The following LRP1B variants were observed in gnomAD, a reference collection of about 807,000 sequenced individuals.
The protein encoded by LRP1B is low-density lipoprotein receptor-related protein 1B.
LRP1B carries 217 observed loss-of-function variants against 556.6 expected under a neutral mutation model. The observed-to-expected ratio is 0.39, with a 90% CI of 0.35 to 0.44. The LOEUF (loss-of-function observed/expected upper bound fraction) is 0.44. Ranked by LOEUF, LRP1B falls within the 20% of genes least tolerant of loss-of-function variation. The pLI is 1.00. For synonymous variants in LRP1B, 2,047 were observed against 1,865.8 expected (o/e 1.10, Z -2.50); for missense variants, 5,053 against 5,620.8 (o/e 0.90, Z 3.23).
chr2:141,370,882 C>G (rs1689205187), intron 3 of LRP1B, among the ~76,000 whole-genome samples: 1 of 152,168 alleles, frequency 6.6e-6, no homozygotes, highest in African/African-American at 2.4e-5. Flanking sequence ...TTTTTCCCAG[C>G]ACCATTTATT....
chr2:141,477,817 T>C (rs72989056), intron 3 of LRP1B, among the ~76,000 whole-genome samples: 9,128 of 152,178 alleles, frequency 0.06, 425 homozygotes, highest in African/African-American at 0.11. Context: ...GAAATCCAAA[T>C]ATATTTATTA....
At chr2:141,782,513 C>CTTTT (rs1187506601) in intron 2 of LRP1B, among the ~76,000 whole-genome samples, 1 of 94,618 alleles carries the variant, frequency 1.1e-5, no homozygotes, top group Non-Finnish European at 2.0e-5. Context: ...GTTCTATTTT[C>CTTTT]CTTTTTTTTT....
chr2:141,109,698 A>G (rs1700700413), intron 7 of LRP1B, among the ~76,000 whole-genome samples: 1 of 151,914 alleles, frequency 6.6e-6, no homozygotes, highest in African/African-American at 2.4e-5. Flanking sequence ...GGAGGATAAG[A>G]TCAAAAGATC....
intron 7 of LRP1B, among the ~76,000 whole-genome samples, chr2:141,141,827 G>T (rs1333103796): frequency 6.6e-6 from 1 of 152,052 alleles, no homozygotes; most frequent in African/African-American, 2.4e-5. Flanking sequence ...GAAGAAAATG[G>T]CAATCTGTAT....
intron 3 of LRP1B, among the ~76,000 whole-genome samples, chr2:141,445,162 G>A (rs1003181860): frequency 2.6e-5 from 4 of 152,204 alleles, no homozygotes; most frequent in Admixed American, 6.5e-5. Flanking sequence ...TTGGGAGGGT[G>A]TATGTGTCCA....
Position 140,705,593 on chromosome 2 carries a change from AG to A in LRP1B, c.6024-3041del, listed in dbSNP as rs1489011194. Among the ~76,000 whole-genome samples the A allele has an allele frequency of 3.3e-5, 5 of 150,056 alleles. No homozygotes were observed. In the Admixed American group the frequency reaches 3.3e-4, roughly 10 times the overall value. On this transcript the variant is annotated intron_variant, in intron 37 of 90. Coordinates refer to ENST00000389484, the MANE Select transcript of LRP1B (RefSeq NM_018557.3). ...ACACACAGAAAACAAAATATGAAAA[AG>A]GTCTTAGCTCTGAGAAAGAAGTCAC...
At chr2:141,073,333 T>G (rs1231984350) in intron 7 of LRP1B, among the ~76,000 whole-genome samples, 1 of 152,076 alleles carries the variant, frequency 6.6e-6, no homozygotes, top group African/African-American at 2.4e-5. Flanking sequence ...TCAGGCCAAA[T>G]TCATCACTTT....
intron 3 of LRP1B, among the ~76,000 whole-genome samples, chr2:141,415,634 T>C (rs1691070056): frequency 6.6e-6 from 1 of 152,228 alleles, no homozygotes; most frequent in Admixed American, 6.5e-5. Context: ...AGTTAGTCTT[T>C]GATTCTCTTC....
intron 3 of LRP1B, among the ~76,000 whole-genome samples, chr2:141,337,337 T>G (rs1162001282): frequency 6.6e-6 from 1 of 152,232 alleles, no homozygotes; most frequent in African/African-American, 2.4e-5. Context: ...CATTCTAATA[T>G]TGTCTTTGAT....
intron 1 of LRP1B, among the ~76,000 whole-genome samples, chr2:141,829,672 T>G (rs988683111): frequency 2.1e-4 from 32 of 152,014 alleles, no homozygotes; most frequent in Admixed American, 6.6e-5. Context: ...CCTCGTATTT[T>G]TTTTCAGTGG....
At chr2:141,095,144 C>T (rs1437574642) in intron 7 of LRP1B, among the ~76,000 whole-genome samples, 1 of 151,732 alleles carries the variant, frequency 6.6e-6, no homozygotes, top group Non-Finnish European at 1.5e-5. Flanking sequence ...AGACGATGGC[C>T]CTTCAATCTT....
intron 31 of LRP1B, among the ~76,000 whole-genome samples, chr2:140,830,890 A>G (rs889146422): frequency 6.6e-6 from 1 of 152,162 alleles, no homozygotes; most frequent in African/African-American, 2.4e-5. Flanking sequence ...CACAATAATC[A>G]GTGGCATTTA....
At chr2:140,237,570 A>C (rs1258771655) in intron 89 of LRP1B, among the ~76,000 whole-genome samples, 3 of 150,858 alleles carry the variant, frequency 2.0e-5, no homozygotes, top group Non-Finnish European at 4.5e-5. Flanking sequence ...GTAAGTATCC[A>C]GTTCCTACCA....
chr2:141,390,437 C>T (rs979322088), intron 3 of LRP1B, among the ~76,000 whole-genome samples: 11 of 152,164 alleles, frequency 7.2e-5, no homozygotes, highest in African/African-American at 2.4e-4. Flanking sequence ...CCAGCAAATC[C>T]TACGTACATA....
intron 77 of LRP1B, among the ~76,000 whole-genome samples, chr2:140,339,165 C>G (rs1456794675): frequency 6.6e-6 from 1 of 151,750 alleles, no homozygotes. Context: ...AAAAAAGTGA[C>G]AGCTTGATTG....
At chr2:141,161,720 T>C (rs971520776) in intron 7 of LRP1B, among the ~76,000 whole-genome samples, 15 of 152,098 alleles carry the variant, frequency 9.9e-5, no homozygotes, top group African/African-American at 3.6e-4. Flanking sequence ...AATGCTTCCC[T>C]TTAGGGCAAA....
intron 7 of LRP1B, among the ~76,000 whole-genome samples, chr2:141,185,302 G>GA (rs1681192488): frequency 1.3e-5 from 2 of 152,010 alleles, no homozygotes; most frequent in South Asian, 4.1e-4. Flanking sequence ...CCAGCATCAA[G>GA]TTCATAACCA....
At chr2:141,120,973 C>A (rs1040689493) in intron 7 of LRP1B, among the ~76,000 whole-genome samples, 4 of 151,982 alleles carry the variant, frequency 2.6e-5, no homozygotes, top group Non-Finnish European at 5.9e-5. Flanking sequence ...ACATTAATTA[C>A]TTTATTGGGA....
At chr2:140,621,838 A>T (rs1220388058) in intron 41 of LRP1B, among the ~76,000 whole-genome samples, 1 of 152,214 alleles carries the variant, frequency 6.6e-6, no homozygotes, top group Non-Finnish European at 1.5e-5. Context: ...CGCAGATGAG[A>T]TGCAGCCTAT....
Sources: gnomAD v4.1 joint callset for allele counts (sites outside exome capture counted in the v4.1 genomes callset) on GRCh38, gnomAD v4.1.1 for gene constraint, MANE v1.5 for transcripts, NCBI Gene and HGNC (gene_info 2026-07-23, HGNC 2026-07-21) for gene names.